Variants in DIS3L2 observed in about 807,000 individuals in gnomAD.
The protein encoded by DIS3L2 is DIS3-like exonuclease 2.
DIS3L2 carries 34 observed loss-of-function variants against 97.5 expected under a neutral mutation model. The observed-to-expected ratio is 0.35, with a 90% CI of 0.27 to 0.46. DIS3L2 has a LOEUF of 0.46. DIS3L2 is among the 20% of genes least tolerant of loss of function. DIS3L2 has a pLI of 1.00. For missense variants in DIS3L2, 1,038 were observed against 1,146.0 expected (o/e 0.91, Z 1.36); for synonymous variants, 435 against 445.2 (o/e 0.98, Z 0.29).
chr2:231,972,423 G>A (rs972133528), intron 1 of DIS3L2, among the ~76,000 whole-genome samples: 4 of 152,204 alleles, frequency 2.6e-5, no homozygotes, highest in African/African-American at 7.2e-5. Flanking sequence ...TGGGATGGCT[G>A]TACTGTCACC....
At chr2:232,197,974 A>C (rs1691800167) in intron 9 of DIS3L2, among the ~76,000 whole-genome samples, 1 of 151,902 alleles carries the variant, frequency 6.6e-6, no homozygotes, top group African/African-American at 2.4e-5. Flanking sequence ...CATTAAAAAA[A>C]AAAAAAAGAA....
chr2:232,089,781 A>G lies in DIS3L2; in HGVS notation c.601+2060A>G, dbSNP rs577845188. 4.7e-4 allele frequency among the ~76,000 whole-genome samples: 71 copies of G among 152,312 alleles called. 1 individual carries two copies. Among genetic ancestry groups the G allele is most frequent in the Admixed American group, 1.4e-3 (21 of 15,302 alleles). On this transcript the variant is annotated intron_variant, in intron 6 of 20. Transcript: ENST00000325385. ...TCTCTCATTAGTGGTTGGTACAAATATAAGGACAAGGAAATACTGATGGAT... is the reference window on the plus strand; with the variant it reads ...TCTCTCATTAGTGGTTGGTACAAATGTAAGGACAAGGAAATACTGATGGAT...
At chr2:232,139,399 A>G (rs1289832831) in intron 8 of DIS3L2, among the ~76,000 whole-genome samples, 2 of 152,198 alleles carry the variant, frequency 1.3e-5, no homozygotes, top group Non-Finnish European at 2.9e-5. Context: ...GTTACATACT[A>G]AAGTCTAGAT....
rs372789417 is a variant in DIS3L2, at chr2:232,160,900, T to C, written c.951-2559T>C. Among the ~76,000 whole-genome samples the C allele has an allele frequency of 1.9e-4, 29 of 152,208 alleles. No homozygotes were observed. In the East Asian group the frequency reaches 5.4e-3, roughly 28 times the overall value. On this transcript the variant is annotated intron_variant, in intron 8 of 20. Coordinates refer to ENST00000325385, the MANE Select transcript of DIS3L2 (RefSeq NM_152383.5). Reference sequence around the variant, plus strand: ...TGTTTTATTGATTTGTTTTCATTATTCATTCATTTTTGTTTGTTTGTTTGT... The same window carrying C: ...TGTTTTATTGATTTGTTTTCATTATCCATTCATTTTTGTTTGTTTGTTTGT...
intron 15 of DIS3L2, 57 bp downstream of exon 15, chr2:232,330,053 C>CTGGAAGG: frequency 6.4e-7 from 1 of 1,552,842 alleles, no homozygotes; most frequent in South Asian, 1.2e-5. Flanking sequence ...AGAGAAAGAC[C>CTGGAAGG]TGGAAGGTGG....
chr2:232,129,319 T>C (rs530134736), intron 6 of DIS3L2, among the ~76,000 whole-genome samples: 90 of 152,358 alleles, frequency 5.9e-4, no homozygotes, highest in Non-Finnish European at 1.1e-3. Flanking sequence ...GCAGAGCACA[T>C]TGGTGAGGTA....
At chr2:232,323,731 G>A (rs1368724007) in intron 14 of DIS3L2, among the ~76,000 whole-genome samples, 2 of 152,218 alleles carry the variant, frequency 1.3e-5, no homozygotes, top group Non-Finnish European at 1.5e-5. Context: ...CGAGAGGCCC[G>A]AGCTGTGACT....
intron 8 of DIS3L2, among the ~76,000 whole-genome samples, chr2:232,148,672 C>T (rs905296163): frequency 6.6e-6 from 1 of 150,852 alleles, no homozygotes; most frequent in Non-Finnish European, 1.5e-5. Context: ...CAGAGTATAA[C>T]CTGGTAAAAC....
At chr2:232,123,782 C>T (rs1044116978) in intron 6 of DIS3L2, among the ~76,000 whole-genome samples, 13 of 152,160 alleles carry the variant, frequency 8.5e-5, no homozygotes, top group African/African-American at 3.1e-4. Context: ...CCACCAGTTG[C>T]TGGGGACAGA....
downstream of DIS3L2, chr2:232,341,070 G>A (rs987755265): frequency 4.7e-5 from 18 of 386,834 alleles, no homozygotes; most frequent in African/African-American, 1.9e-4. Flanking sequence ...GATTGCCACC[G>A]TGGAGACACA....
chr2:231,980,923 C>A (rs1275087747), intron 1 of DIS3L2, among the ~76,000 whole-genome samples: 1 of 152,124 alleles, frequency 6.6e-6, no homozygotes, highest in African/African-American at 2.4e-5. Context: ...GCATGTGCCA[C>A]CACGCCTGGC....
chr2:232,329,785 T>TCCCCGGGGGGGGGGGGGG, intron 14 of DIS3L2, 28 bp from the exon 15 acceptor site: 1 of 967,144 alleles, frequency 1.0e-6, no homozygotes, highest in Non-Finnish European at 1.5e-6. Flanking sequence ...ACCCCAGCGG[T>TCCCCGGGGGGGGGGGGGG]CCCTCCCATC....
At chr2:232,270,682 G>A (rs890304063) in intron 13 of DIS3L2, among the ~76,000 whole-genome samples, 5 of 152,288 alleles carry the variant, frequency 3.3e-5, no homozygotes, top group Middle Eastern at 3.4e-3. Flanking sequence ...ACAGCATCAA[G>A]GATATGGATA....
rs576730659 is a variant in DIS3L2 at position 232,323,268 on chromosome 2, C to G, written c.1740-6545C>G. On this transcript the variant is annotated intron_variant, in intron 14 of 20. Coordinates refer to ENST00000325385, the MANE Select transcript of DIS3L2 (RefSeq NM_152383.5). ...CGCCCCTACCTCTGGGAGCAGAGCCCGAACTTGGGGAGCGAATGAGGCTTC... is the reference window on the plus strand; with the variant it reads ...CGCCCCTACCTCTGGGAGCAGAGCCGGAACTTGGGGAGCGAATGAGGCTTC... Among the ~76,000 whole-genome samples the G allele has an allele frequency of 9.2e-5, 14 of 152,204 alleles. No individual in the cohort carries two copies. The South Asian group carries it at 1.2e-3, about 13-fold the overall frequency.
At chr2:232,189,060 A>G (rs1423333313) in intron 9 of DIS3L2, among the ~76,000 whole-genome samples, 2 of 152,226 alleles carry the variant, frequency 1.3e-5, no homozygotes, top group Non-Finnish European at 2.9e-5. Context: ...TGAAAAGGCC[A>G]AATTGGCAAG....
chr2:232,052,866 C>T (rs1480912567), intron 5 of DIS3L2, among the ~76,000 whole-genome samples: 2 of 152,126 alleles, frequency 1.3e-5, no homozygotes, highest in African/African-American at 2.4e-5. Context: ...ATTCCAGTGG[C>T]ATTTGATGTT....
intron 14 of DIS3L2, among the ~76,000 whole-genome samples, chr2:232,317,343 C>T (rs1274319487): frequency 1.3e-5 from 2 of 152,192 alleles, no homozygotes; most frequent in African/African-American, 2.4e-5. Flanking sequence ...CAGAGGTGTT[C>T]AGCAGATGCT....
chr2:232,314,608 C>T (rs1695220488), intron 14 of DIS3L2, among the ~76,000 whole-genome samples: 1 of 152,238 alleles, frequency 6.6e-6, no homozygotes, highest in South Asian at 2.1e-4. Context: ...TATTTCAAAA[C>T]TCTTAAAGAC....
intron 8 of DIS3L2, among the ~76,000 whole-genome samples, chr2:232,139,800 TA>T (rs1439812075): frequency 6.6e-6 from 1 of 152,070 alleles, no homozygotes; most frequent in Non-Finnish European, 1.5e-5. Flanking sequence ...GAGGTCATAA[TA>T]CACAATTGCA....
Sources: allele counts gnomAD v4.1 joint callset (sites outside exome capture counted in the v4.1 genomes callset), GRCh38; gene constraint gnomAD v4.1.1; transcripts MANE v1.5; gene names NCBI Gene and HGNC (gene_info 2026-07-23, HGNC 2026-07-21).